PDE3A: variants seen among roughly 807,000 people sequenced by gnomAD.
The protein encoded by PDE3A is phosphodiesterase 3A, also known as cGMP-inhibited 3',5'-cyclic phosphodiesterase 3A.
A neutral mutation model predicts 98.3 loss-of-function variants in PDE3A; 43 were observed. The ratio of observed to expected loss-of-function variants is 0.44; its 90% CI spans 0.34 to 0.56. The LOEUF (loss-of-function observed/expected upper bound fraction) is 0.56. PDE3A is among the 20% of genes least tolerant of loss of function. The pLI is 0.01. For synonymous variants in PDE3A, 663 were observed against 567.9 expected (o/e 1.17, Z -2.38); for missense variants, 1,427 against 1,440.7 (o/e 0.99, Z 0.15).
At chr12:20,667,104 C>T (rs1429552319) in intron 15 of PDE3A, among the ~76,000 whole-genome samples, 2 of 151,950 alleles carry the variant, frequency 1.3e-5, no homozygotes, top group Admixed American at 1.3e-4. Context: ...ATGTCCTTGC[C>T]CACTTTTTAA....
intron 1 of PDE3A, among the ~76,000 whole-genome samples, chr12:20,401,484 A>G (rs1331046398): frequency 1.3e-5 from 2 of 152,100 alleles, no homozygotes; most frequent in East Asian, 1.9e-4. Context: ...TCAATTTTCT[A>G]GTGACTTTGA....
At chr12:20,423,098 C>T (rs185709849) in intron 1 of PDE3A, among the ~76,000 whole-genome samples, 66 of 152,106 alleles carry the variant, frequency 4.3e-4, no homozygotes, top group African/African-American at 1.5e-3. Flanking sequence ...ATATTCAGAT[C>T]TCTGAAAAAA....
intron 2 of PDE3A, among the ~76,000 whole-genome samples, chr12:20,577,334 A>G (rs1355850939): frequency 6.6e-6 from 1 of 152,130 alleles, no homozygotes; most frequent in Non-Finnish European, 1.5e-5. Context: ...GGTAGGAATC[A>G]CTGATACATA....
intron 1 of PDE3A, among the ~76,000 whole-genome samples, chr12:20,394,396 A>T (rs1943969646): frequency 6.6e-6 from 1 of 152,064 alleles, no homozygotes; most frequent in Non-Finnish European, 1.5e-5. Flanking sequence ...CCTGCCTTAG[A>T]GATGGTATAT....
intron 8 of PDE3A, among the ~76,000 whole-genome samples, chr12:20,636,781 C>A (rs1344836250): frequency 1.3e-5 from 2 of 152,028 alleles, no homozygotes; most frequent in Non-Finnish European, 2.9e-5. Flanking sequence ...TATTTAAGAA[C>A]CTTGCAGTAG....
chr12:20,599,740 C>A (rs1011892060), intron 2 of PDE3A, among the ~76,000 whole-genome samples: 1 of 152,092 alleles, frequency 6.6e-6, no homozygotes, highest in Non-Finnish European at 1.5e-5. Flanking sequence ...CTCTTTAGAC[C>A]CTGTTTTCCC....
chr12:20,502,739 T>C lies in PDE3A; in HGVS notation c.961-53921T>C, dbSNP rs1158527952. ...GACTATGTATAAAGGAAACTAATGG[T>C]TAACTGAATTCCTCAATTATTTCCA... On this transcript the variant is annotated intron_variant, in intron 1 of 15. Coordinates refer to ENST00000359062, the MANE Select transcript of PDE3A (RefSeq NM_000921.5). 2.0e-5 allele frequency among the ~76,000 whole-genome samples: 3 copies of C among 152,134 alleles called. No individual in the cohort carries two copies. The East Asian group carries it at 5.8e-4, about 29-fold the overall frequency.
intron 1 of PDE3A, among the ~76,000 whole-genome samples, chr12:20,533,296 G>A (rs1941658681): frequency 6.6e-6 from 1 of 151,754 alleles, no homozygotes; most frequent in Admixed American, 6.6e-5. Context: ...CTTTAAGTAA[G>A]TAAAATTCCA....
intron 1 of PDE3A, among the ~76,000 whole-genome samples, chr12:20,445,350 G>T (rs567014314): frequency 3.3e-5 from 5 of 151,978 alleles, no homozygotes; most frequent in Non-Finnish European, 7.4e-5. Flanking sequence ...CTATCATATT[G>T]TATAAATCTG....
chr12:20,594,293 C>T (rs1943411610), intron 2 of PDE3A, among the ~76,000 whole-genome samples: 1 of 151,952 alleles, frequency 6.6e-6, no homozygotes, highest in Admixed American at 6.6e-5. Flanking sequence ...AATATGCTGT[C>T]TATTAGAAGG....
At chr12:20,492,659 G>A (rs754393566) in intron 1 of PDE3A, among the ~76,000 whole-genome samples, 22 of 152,176 alleles carry the variant, frequency 1.4e-4, no homozygotes, top group Non-Finnish European at 2.9e-4. Context: ...GCTATGGGTA[G>A]AGAAATGCAG....
At position 20,552,639 on chromosome 12, in the gene PDE3A, G is replaced by A; in HGVS notation, c.961-4021G>A. On this transcript the variant is annotated intron_variant, in intron 1 of 15. Transcript: ENST00000359062. This position sits in a 1 kb window ranked among gnomAD's most constrained non-coding sequence, Gnocchi z 5.1. Reference sequence around the variant, plus strand: ...CGCGCCGGACATCCAAGAAAACCAAGGTGGAGCCCTACAGTCTCACGGCCC... The same window carrying A: ...CGCGCCGGACATCCAAGAAAACCAAAGTGGAGCCCTACAGTCTCACGGCCC... 1 of 1,613,894 alleles carries A rather than the reference G, an allele frequency of 6.2e-7. No homozygotes were observed. Among genetic ancestry groups the A allele is most frequent in the Non-Finnish European group, 8.5e-7 (1 of 1,179,832 alleles).
intron 4 of PDE3A, among the ~76,000 whole-genome samples, chr12:20,617,968 A>G (rs1944045144): frequency 6.6e-6 from 1 of 152,186 alleles, no homozygotes; most frequent in Admixed American, 6.5e-5. Flanking sequence ...CCAAATATTT[A>G]CAATAGAAAT....
chr12:20,549,335 G>A (rs1942136955), intron 1 of PDE3A, among the ~76,000 whole-genome samples: 1 of 148,404 alleles, frequency 6.7e-6, no homozygotes, highest in Non-Finnish European at 1.5e-5. Flanking sequence ...TGCTGTAATC[G>A]TGGGAAGGAA....
intron 1 of PDE3A, among the ~76,000 whole-genome samples, chr12:20,420,988 A>G (rs1944502830): frequency 6.6e-6 from 1 of 152,206 alleles, no homozygotes; most frequent in Non-Finnish European, 1.5e-5. Flanking sequence ...ACAGGACCAA[A>G]AAGTAGTCTT....
intron 1 of PDE3A, among the ~76,000 whole-genome samples, chr12:20,542,511 C>A: frequency 6.6e-6 from 1 of 151,040 alleles, no homozygotes; most frequent in African/African-American, 2.4e-5. Context: ...TATTTTAGGC[C>A]CATAAATGTA....
chr12:20,624,197 A>T (rs1944204860), intron 5 of PDE3A, among the ~76,000 whole-genome samples: 1 of 152,098 alleles, frequency 6.6e-6, no homozygotes, highest in African/African-American at 2.4e-5. Context: ...AGGATGACAA[A>T]TTGTCATAAT....
At chr12:20,640,134 A>T (rs1360414956) in intron 10 of PDE3A, among the ~76,000 whole-genome samples, 177 bp downstream of exon 10, 1 of 152,012 alleles carries the variant, frequency 6.6e-6, no homozygotes, top group Non-Finnish European at 1.5e-5. Flanking sequence ...TGGCCCCTTT[A>T]CTTTTCAGCT....
chr12:20,672,703 A>T (rs1242322311), intron 15 of PDE3A, among the ~76,000 whole-genome samples: 17 of 127,150 alleles, frequency 1.3e-4, no homozygotes, highest in African/African-American at 4.9e-4. Flanking sequence ...TCAATTCAAG[A>T]TGGATTAAAG....
Sources: allele counts gnomAD v4.1 joint callset (sites outside exome capture counted in the v4.1 genomes callset), GRCh38; gene constraint gnomAD v4.1.1; non-coding constraint Gnocchi (gnomAD v3.1); transcripts MANE v1.5; gene names NCBI Gene and HGNC (gene_info 2026-07-23, HGNC 2026-07-21).